The following LMNB2 variants were observed in gnomAD, a reference collection of about 807,000 sequenced individuals.
The protein encoded by LMNB2 is lamin-B2.
A neutral mutation model predicts 69.3 loss-of-function variants in LMNB2; 17 were observed. The ratio of observed to expected loss-of-function variants is 0.25; its 90% CI spans 0.17 to 0.37. The LOEUF (loss-of-function observed/expected upper bound fraction) is 0.37, where lower values mean the gene tolerates loss of function less well. Among genes scored for constraint, LMNB2 ranks in the 10% least tolerant of loss-of-function variants. The pLI, the probability that LMNB2 is intolerant of heterozygous loss-of-function variation, is 1.00. For synonymous variants in LMNB2, 397 were observed against 389.3 expected (o/e 1.02, Z -0.23); for missense variants, 789 against 883.6 (o/e 0.89, Z 1.36).
At position 2,453,286 on chromosome 19, in the gene LMNB2, C is replaced by T. The variant is rs1972049992; in HGVS notation, c.264+3384G>A. On this transcript the variant is annotated intron_variant, in intron 1 of 11. Coordinates refer to ENST00000325327, the MANE Select transcript of LMNB2 (RefSeq NM_032737.4). The surrounding 1 kb of genome is among the most constrained non-coding windows in gnomAD (Gnocchi z 4.4). Reference sequence around the variant, plus strand: ...CCCTGCTGTCCAGGTGACCTGCATGCTCTTAGGCCTGACACCCCAGGTCCC... The same window carrying T: ...CCCTGCTGTCCAGGTGACCTGCATGTTCTTAGGCCTGACACCCCAGGTCCC... Among the ~76,000 whole-genome samples the T allele has an allele frequency of 6.6e-6, 1 of 152,114 alleles. No individual in the cohort carries two copies. The highest frequency in any genetic ancestry group is 2.1e-4 in the South Asian group (1 of 4,834).
chr19:2,431,453 C>G (rs550541045), intron 11 of LMNB2, 95 bp downstream of exon 11: 13 of 1,530,936 alleles, frequency 8.5e-6, no homozygotes, highest in Non-Finnish European at 1.2e-5. Context: ...GAGCTCCCGT[C>G]GGGGATGCGG....
At position 2,437,822 on chromosome 19, in the gene LMNB2, C is replaced by T. The variant is rs987609195; in HGVS notation, c.684+341G>A. Among the ~76,000 whole-genome samples, 52 of 144,654 alleles carry T rather than the reference C, an allele frequency of 3.6e-4. 2 individuals carry two copies. Among genetic ancestry groups the T allele is most frequent in the African/African-American group, 1.1e-3 (42 of 37,766 alleles). 94.9% of individuals were successfully genotyped at this position (144,654 alleles called of 152,430 possible). A position where few individuals can be genotyped will look rare whatever the true frequency, so the allele number is the denominator to read the frequency against. On this transcript the variant is annotated intron_variant, in intron 4 of 11. Transcript: ENST00000325327. ...CTCAAAAAAAGACGTGCCCACATCC[C>T]GATCCCCAGCAGCTGTGAATGGACC...
chr19:2,438,132 TGCCAGGCTGGAG>T lies in LMNB2; in HGVS notation c.684+19_684+30del. On this transcript the variant is annotated intron_variant, in intron 4 of 11. Transcript: ENST00000325327. ...GAGGGTGGACTTTGCGTTTCCGCTGTGCCAGGCTGGAGGCCAGGCCACTCACTCACCTCCTCG... is the reference window on the plus strand; with the variant it reads ...GAGGGTGGACTTTGCGTTTCCGCTGTGCCAGGCCACTCACTCACCTCCTCG... 1 of 1,612,770 alleles carries T rather than the reference TGCCAGGCTGGAG, an allele frequency of 6.2e-7. No individual in the cohort carries two copies. The highest frequency in any genetic ancestry group is 2.2e-5 in the East Asian group (1 of 44,878).
Position 2,430,391 on chromosome 19 carries a change from C to G in LMNB2, c.*520G>C, listed in dbSNP as rs1192360688. 1 of 197,788 alleles carries G rather than the reference C, an allele frequency of 5.1e-6. No homozygotes were observed. The highest frequency in any genetic ancestry group is 2.3e-5 in the African/African-American group (1 of 42,576). 12.3% of individuals were successfully genotyped at this position (197,788 alleles called of 1,614,324 possible). A position where few individuals can be genotyped will look rare whatever the true frequency, so the allele number is the denominator to read the frequency against. On this transcript the variant is annotated 3_prime_UTR_variant, in exon 12 of 12. Transcript: ENST00000325327. ...CACGCCATCCCCATGCTGGCCCACACCCGCTGCGTGGCTGCCTGAGGAGTT... is the reference window on the plus strand; with the variant it reads ...CACGCCATCCCCATGCTGGCCCACAGCCGCTGCGTGGCTGCCTGAGGAGTT...
In LMNB2 at chr19:2,453,862, GACA is replaced by G. The variant is rs1475097269; in HGVS notation, c.264+2805_264+2807del. Among the ~76,000 whole-genome samples the G allele has an allele frequency of 2.0e-5, 3 of 152,150 alleles. No homozygotes were observed. Among genetic ancestry groups the G allele is most frequent in the Non-Finnish European group, 4.4e-5 (3 of 68,018 alleles). The stretch of plus-strand genomic sequence containing the variant: ...GCAGGTGGGATAACAGAGGCCCAAA[GACA>G]AGAAACCAGCTCTAACCCTGCACGC... On this transcript the variant is annotated intron_variant, in intron 1 of 11. Coordinates refer to ENST00000325327, the MANE Select transcript of LMNB2 (RefSeq NM_032737.4). This position sits in a 1 kb window ranked among gnomAD's most constrained non-coding sequence, Gnocchi z 4.4.
intron 1 of LMNB2, among the ~76,000 whole-genome samples, chr19:2,449,655 TAATCCC>T (rs1162044795): frequency 4.0e-5 from 6 of 151,780 alleles, no homozygotes; most frequent in Admixed American, 6.6e-5. Context: ...TAGGCGCCTG[TAATCCC>T]AGCTACTCGG....
chr19:2,454,200 G>A (rs563242942), intron 1 of LMNB2, among the ~76,000 whole-genome samples: 2 of 151,406 alleles, frequency 1.3e-5, no homozygotes, highest in African/African-American at 4.9e-5. Flanking sequence ...GACGGGGGCA[G>A]GAGAATCACT....
chr19:2,438,701 G>A lies in LMNB2; in HGVS notation c.402-170C>T, dbSNP rs571933456. ...CCCACGCGCCCAGGCAAAGGCACAC[G>A]TGCCCTCATCATCTGCCCTGCACTG... On this transcript the variant is annotated intron_variant, in intron 2 of 11. Transcript: ENST00000325327. Among the ~76,000 whole-genome samples the A allele has an allele frequency of 3.3e-4, 51 of 152,324 alleles. No homozygotes were observed. In the Middle Eastern group the frequency reaches 0.01, roughly 30 times the overall value.
chr19:2,445,231 C>T (rs1458128330), intron 1 of LMNB2, among the ~76,000 whole-genome samples: 6 of 151,652 alleles, frequency 4.0e-5, no homozygotes, highest in Non-Finnish European at 7.4e-5. Flanking sequence ...TGAGACTCCC[C>T]CCAGGCCTCT....
intron 2 of LMNB2, 148 bp from the exon 3 acceptor site, chr19:2,438,679 A>G (rs2145454876): frequency 2.1e-6 from 2 of 951,518 alleles, no homozygotes; most frequent in Non-Finnish European, 3.1e-6. Flanking sequence ...ACGCGGCCCC[A>G]CGCGCCCAGG....
At chr19:2,444,654 G>T in intron 1 of LMNB2, 114 bp from the exon 2 acceptor site, 1 of 1,378,554 alleles carries the variant, frequency 7.3e-7, no homozygotes, top group Non-Finnish European at 1.0e-6. Flanking sequence ...CACGCAGAGA[G>T]AGAGGATGGC....
At chr19:2,455,970 T>A (rs1337122280) in intron 1 of LMNB2, among the ~76,000 whole-genome samples, 1 of 146,096 alleles carries the variant, frequency 6.8e-6, no homozygotes, top group East Asian at 2.1e-4. Flanking sequence ...CCCTTCCCGG[T>A]CTGCACCCCT....
At chr19:2,448,770 C>T (rs1208702636) in intron 1 of LMNB2, among the ~76,000 whole-genome samples, 1 of 152,224 alleles carries the variant, frequency 6.6e-6, no homozygotes, top group Non-Finnish European at 1.5e-5. Flanking sequence ...ATTGCTTGAA[C>T]CCAGGAGGCA....
chr19:2,444,355 C>A (rs1478950585), intron 2 of LMNB2, 49 bp downstream of exon 2: 1 of 1,611,402 alleles, frequency 6.2e-7, no homozygotes, highest in Admixed American at 1.7e-5. Flanking sequence ...CCCGTCCACC[C>A]CGTGGTGCCA....
At chr19:2,439,077 G>T in intron 2 of LMNB2, among the ~76,000 whole-genome samples, 1 of 121,026 alleles carries the variant, frequency 8.3e-6, no homozygotes, top group Non-Finnish European at 1.6e-5. Context: ...AGAGACAGGG[G>T]TTCACTTGTT....
At chr19:2,437,883 G>A (rs1283526128) in intron 4 of LMNB2, among the ~76,000 whole-genome samples, 1 of 152,128 alleles carries the variant, frequency 6.6e-6, no homozygotes, top group African/African-American at 2.4e-5. Flanking sequence ...ATGCCATTAG[G>A]TCACTCTGGA....
At position 2,443,604 on chromosome 19, in the gene LMNB2, C is replaced by T. The variant is rs367574143; in HGVS notation, c.401+800G>A. ...TGACCCACCCCAGCCTGAGGAAATCCGAGGCACCTGCAGGTGCCTGAATGC... is the reference window on the plus strand; with the variant it reads ...TGACCCACCCCAGCCTGAGGAAATCTGAGGCACCTGCAGGTGCCTGAATGC... On this transcript the variant is annotated intron_variant, in intron 2 of 11. Transcript: ENST00000325327. The surrounding 1 kb of genome is among the most constrained non-coding windows in gnomAD (Gnocchi z 6.2). 1.3e-5 allele frequency among the ~76,000 whole-genome samples: 2 copies of T among 152,096 alleles called. No individual in the cohort carries two copies. The highest frequency in any genetic ancestry group is 2.9e-5 in the Non-Finnish European group (2 of 68,008).
At chr19:2,455,019 T>C (rs1972071808) in intron 1 of LMNB2, among the ~76,000 whole-genome samples, 1 of 151,986 alleles carries the variant, frequency 6.6e-6, no homozygotes, top group South Asian at 2.1e-4. Context: ...TTCCTTCATA[T>C]TCTCTTGGGG....
chr19:2,436,540 C>T (rs1303434867), intron 4 of LMNB2, among the ~76,000 whole-genome samples: 5 of 149,628 alleles, frequency 3.3e-5, no homozygotes, highest in South Asian at 2.1e-4. Context: ...TCCACGGCCG[C>T]GCACCCGCCT....
Sources: allele counts gnomAD v4.1 joint callset (sites outside exome capture counted in the v4.1 genomes callset), GRCh38; gene constraint gnomAD v4.1.1; non-coding constraint Gnocchi (gnomAD v3.1); transcripts MANE v1.5; gene names NCBI Gene and HGNC (gene_info 2026-07-23, HGNC 2026-07-21).